CNTNAP2: variants seen among roughly 807,000 people sequenced by gnomAD.
CNTNAP2 encodes the protein contactin associated protein 2.
A neutral mutation model predicts 155.2 loss-of-function variants in CNTNAP2; 98 were observed. The observed-to-expected ratio is 0.63, with a 90% CI of 0.54 to 0.75. The LOEUF (loss-of-function observed/expected upper bound fraction) is 0.75. CNTNAP2 is among the 30% of genes least tolerant of loss of function. The probability of loss-of-function intolerance (pLI) is 0.00; values close to 1 mark genes in which losing one functional copy is unlikely to be tolerated. For missense variants in CNTNAP2, 1,727 were observed against 1,688.1 expected, an observed-to-expected ratio of 1.02 and a Z score of -0.40; for synonymous variants, 651 against 631.2, an observed-to-expected ratio of 1.03 and a Z score of -0.47.
At chr7:148,293,426 G>A (rs1247906922) in intron 21 of CNTNAP2, among the ~76,000 whole-genome samples, 6 of 152,118 alleles carry the variant, frequency 3.9e-5, no homozygotes, top group South Asian at 2.1e-4. Flanking sequence ...AATTGGGCAC[G>A]GTAAGTCAAT....
At chr7:146,589,897 A>G (rs922943048) in intron 1 of CNTNAP2, among the ~76,000 whole-genome samples, 6 of 152,162 alleles carry the variant, frequency 3.9e-5, no homozygotes, top group African/African-American at 1.4e-4. Context: ...CTGCATCCAC[A>G]TAGTATACCA....
intron 10 of CNTNAP2, among the ~76,000 whole-genome samples, chr7:147,407,314 A>G (rs1046445530): frequency 1.3e-5 from 2 of 151,760 alleles, no homozygotes; most frequent in East Asian, 3.9e-4. Context: ...TAAAAATACA[A>G]AAAATTAGCC....
At chr7:146,632,668 A>G (rs1799529306) in intron 1 of CNTNAP2, among the ~76,000 whole-genome samples, 1 of 152,082 alleles carries the variant, frequency 6.6e-6, no homozygotes, top group Non-Finnish European at 1.5e-5. Context: ...TTTGATCTGA[A>G]ATATCAAAGA....
At chr7:146,400,698 T>C (rs573026716) in intron 1 of CNTNAP2, among the ~76,000 whole-genome samples, 300 of 152,316 alleles carry the variant, frequency 2.0e-3, no homozygotes, top group Non-Finnish European at 3.4e-3. Context: ...GTGAACATCA[T>C]GTGTGCATAG....
intron 18 of CNTNAP2, among the ~76,000 whole-genome samples, chr7:148,184,987 C>T (rs1002962204): frequency 4.6e-5 from 7 of 152,162 alleles, no homozygotes; most frequent in Non-Finnish European, 1.0e-4. Flanking sequence ...TAGTGAGAAT[C>T]CTGCAAAATG....
intron 8 of CNTNAP2, among the ~76,000 whole-genome samples, chr7:147,272,782 C>T (rs1351181942): frequency 6.6e-6 from 1 of 151,820 alleles, no homozygotes; most frequent in African/African-American, 2.4e-5. Flanking sequence ...GCTGGGATTA[C>T]AGGCGTGAGC....
intron 13 of CNTNAP2, among the ~76,000 whole-genome samples, chr7:147,869,885 A>T (rs953927424): frequency 2.2e-4 from 33 of 152,194 alleles, no homozygotes; most frequent in Admixed American, 1.0e-3. Flanking sequence ...ATTTAAATTG[A>T]TTATCTTGAT....
intron 20 of CNTNAP2, among the ~76,000 whole-genome samples, chr7:148,233,578 T>G (rs1208232334): frequency 1.3e-5 from 2 of 152,200 alleles, no homozygotes; most frequent in African/African-American, 2.4e-5. Flanking sequence ...TGGATTGTAT[T>G]TACTGACATA....
At chr7:147,046,810 A>C (rs1012253194) in intron 4 of CNTNAP2, among the ~76,000 whole-genome samples, 1 of 152,004 alleles carries the variant, frequency 6.6e-6, no homozygotes, top group Non-Finnish European at 1.5e-5. Context: ...AGGGCGGATC[A>C]CGAGGTCAGG....
chr7:147,045,250 T>A (rs1799334525), intron 4 of CNTNAP2, among the ~76,000 whole-genome samples: 1 of 152,122 alleles, frequency 6.6e-6, no homozygotes, highest in Non-Finnish European at 1.5e-5. Context: ...CCCACAAAAA[T>A]GAGTTCACAC....
chr7:146,766,758 T>C (rs959126252), intron 1 of CNTNAP2, among the ~76,000 whole-genome samples: 9 of 152,168 alleles, frequency 5.9e-5, no homozygotes, highest in African/African-American at 1.9e-4. Context: ...GATTCGTTGA[T>C]TGTGGTTTAA....
At chr7:147,065,673 T>G (rs1338177501) in intron 4 of CNTNAP2, among the ~76,000 whole-genome samples, 1 of 152,110 alleles carries the variant, frequency 6.6e-6, no homozygotes, top group Non-Finnish European at 1.5e-5. Context: ...AATTATGCTT[T>G]TTTAGTATAT....
intron 16 of CNTNAP2, among the ~76,000 whole-genome samples, chr7:148,125,725 TCTCA>T (rs796512397): frequency 2.6e-4 from 39 of 150,322 alleles, no homozygotes; most frequent in African/African-American, 9.3e-4. Context: ...TTGGACAGAT[TCTCA>T]CTCACTCTGC....
intron 21 of CNTNAP2, chr7:148,339,673 C>G (rs1798192534): frequency 6.6e-6 from 1 of 152,328 alleles, no homozygotes; most frequent in Non-Finnish European, 1.5e-5. Flanking sequence ...ATGGAGCTGC[C>G]TCCCGGTGCA....
At chr7:147,081,259 G>A (rs1021784267) in intron 4 of CNTNAP2, 1 of 152,036 alleles carries the variant, frequency 6.6e-6, no homozygotes, top group Non-Finnish European at 1.5e-5. Context: ...CCTCTATCCA[G>A]CAACACAGGC....
chr7:146,219,669 T>G (rs1799174970), intron 1 of CNTNAP2, among the ~76,000 whole-genome samples: 1 of 152,180 alleles, frequency 6.6e-6, no homozygotes, highest in South Asian at 2.1e-4. Flanking sequence ...ATGAGATGGG[T>G]CTGGAGCAAT....
intron 3 of CNTNAP2, among the ~76,000 whole-genome samples, chr7:147,006,394 A>G (rs1353742619): frequency 6.6e-6 from 1 of 152,098 alleles, no homozygotes; most frequent in Non-Finnish European, 1.5e-5. Context: ...TCTCCTTTAT[A>G]CATGTAAATT....
At chr7:148,403,398 T>G (rs1390570812) in intron 22 of CNTNAP2, among the ~76,000 whole-genome samples, 1 of 152,150 alleles carries the variant, frequency 6.6e-6, no homozygotes, top group Non-Finnish European at 1.5e-5. Context: ...GTGGTTAACA[T>G]GGAGTGTCAT....
intron 12 of CNTNAP2, among the ~76,000 whole-genome samples, chr7:147,612,284 G>C (rs1584854493): frequency 6.6e-6 from 1 of 151,816 alleles, no homozygotes; most frequent in Non-Finnish European, 1.5e-5. Context: ...TTTATATAAA[G>C]TTTACCTGAA....
Sources: gnomAD v4.1 joint callset for allele counts (sites outside exome capture counted in the v4.1 genomes callset) on GRCh38, gnomAD v4.1.1 for gene constraint, MANE v1.5 for transcripts, NCBI Gene and HGNC (gene_info 2026-07-23, HGNC 2026-07-21) for gene names.